The following COL20A1 variants were observed in gnomAD, a reference collection of about 807,000 sequenced individuals.
COL20A1 encodes collagen type XX alpha 1 chain.
Under a neutral mutation model 152.9 loss-of-function variants are expected in COL20A1, and 164 were observed. The observed-to-expected ratio is 1.07, with a 90% CI of 0.94 to 1.22. The LOEUF is 1.22. COL20A1 is among the 50% of genes most tolerant of loss of function. The pLI, the probability that COL20A1 is intolerant of heterozygous loss-of-function variation, is 0.00. For missense variants in COL20A1, 1,873 were observed against 1,744.8 expected (o/e 1.07, Z -1.31); for synonymous variants, 864 against 756.0 (o/e 1.14, Z -2.34).
chr20:63,302,979 C>T (rs773914072), intron 3 of COL20A1, among the ~76,000 whole-genome samples: 3 of 152,132 alleles, frequency 2.0e-5, no homozygotes, highest in Non-Finnish European at 4.4e-5. Context: ...CCACAGCTGG[C>T]GGTACATAAT....
At position 63,329,639 on chromosome 20, in the gene COL20A1, C is replaced by T. The variant is rs372971673; in HGVS notation, c.3836C>T (p.Thr1279Ile). 110 of 1,600,924 alleles carry T rather than the reference C, an allele frequency of 6.9e-5. No individual in the cohort carries two copies. Among genetic ancestry groups the T allele is most frequent in the Non-Finnish European group, 3.6e-5 (42 of 1,176,612 alleles). ...MGSPGQQGAS[T>I]QGLWE ...AGCCCTGGGCAGCAGGGGGCTAGCA[C>T]CCAGGGCCTCTGGGAGTGACAGGTG... The change falls in exon 35 of 36, where the codon ACC (threonine) becomes ATC (isoleucine). Residue 1279 changes from threonine (T) to isoleucine (I), a missense_variant. Thr to Ile is a moderately conservative substitution (Grantham distance 89, BLOSUM62 -1). Coordinates refer to ENST00000358894, the MANE Select transcript of COL20A1 (RefSeq NM_020882.4).
chr20:63,328,370 G>A lies in COL20A1; in HGVS notation c.3653G>A (p.Arg1218Lys). Residue 1218 changes from arginine to lysine, a missense_variant, in exon 34 of 36, where the codon AGG becomes AAG. Coordinates refer to ENST00000358894, the MANE Select transcript of COL20A1 (RefSeq NM_020882.4). ...SKFDSFHENT[R>K]PPMPILEQKL... ...TTCGACTCCTTCCACGAGAACACCA[G>A]GCCCCCCATGCCCATCTTGGAGCAG... is the stretch of plus-strand genomic sequence containing the variant. The A allele has an allele frequency of 1.9e-6, 3 of 1,612,702 alleles. No individual in the cohort carries two copies. The highest frequency in any genetic ancestry group is 2.5e-6 in the Non-Finnish European group (3 of 1,179,610).
rs1183558096 is a variant in COL20A1 at position 63,313,743 on chromosome 20, C to T, written c.2210C>T (p.Ser737Phe). 6.3e-7 allele frequency: 1 copy of T among 1,583,654 alleles called. No homozygotes were observed. Among genetic ancestry groups the T allele is most frequent in the Non-Finnish European group, 8.6e-7 (1 of 1,167,322 alleles). ...SDPVSLRYTP[S>F]TVSRSPPSNL... The stretch of plus-strand genomic sequence containing the variant: ...CCACACAACCCATGCTCTCGGCCAG[C>T]CACGGTGAGCAGGAGCCCACCCTCC... Residue 737 changes from serine (S) to phenylalanine (F), a missense_variant and splice_region_variant, in exon 18 of 36, where the codon TCC becomes TTC. By Grantham distance (155) the Ser-to-Phe change is radical. Transcript: ENST00000358894. This position sits in a 1 kb window ranked among gnomAD's most constrained non-coding sequence, Gnocchi z 5.9.
chr20:63,295,026 G>A (rs1366611749), intron 1 of COL20A1, 72 bp from the exon 2 acceptor site: 1 of 969,698 alleles, frequency 1.0e-6, no homozygotes, highest in Non-Finnish European at 1.6e-6. Flanking sequence ...ATTTGGAGAA[G>A]CTCTGGCGTT....
At position 63,298,042 on chromosome 20, in the gene COL20A1, G is replaced by GC. The variant is rs1568762564; in HGVS notation, c.193+27dup. The GC allele has an allele frequency of 4.5e-6, 7 of 1,549,228 alleles. 1 individual carries two copies. The East Asian group carries it at 1.3e-4, about 30-fold the overall frequency. Reference sequence around the variant, plus strand: ...GCAGGTGAGGACCTGCCCCTCCCAGGCCCCCTTCCCCATTAGCACGTGCCG... The same window carrying GC: ...GCAGGTGAGGACCTGCCCCTCCCAGGCCCCCCTTCCCCATTAGCACGTGCCG... On this transcript the variant is annotated intron_variant, in intron 3 of 35. Transcript: ENST00000358894.
chr20:63,308,719 C>G lies in COL20A1; in HGVS notation c.940+13C>G. ...GTCTTCGCTGTGGGTGAGCACCATG[C>G]GGCTCCCCCGGCCCTGGAGTCTCAC... On this transcript the variant is annotated intron_variant, in intron 8 of 35. Transcript: ENST00000358894. The G allele has an allele frequency of 6.4e-7, 1 of 1,571,004 alleles. No homozygotes were observed. The highest frequency in any genetic ancestry group is 8.7e-7 in the Non-Finnish European group (1 of 1,156,060).
chr20:63,309,496 A>G lies in COL20A1; in HGVS notation c.1104A>G (p.Pro368=). Residue 368 remains proline, a splice_region_variant and synonymous_variant, in exon 9 of 36, where the codon CCA becomes CCG. Coordinates refer to ENST00000358894, the MANE Select transcript of COL20A1 (RefSeq NM_020882.4). ...AGGGTGGGAGCCCGCGGCAGGGCCC[A>G]GGTGAGGGGCAGGGTCACCCGCACA... ...RLQGGSPRQG[P]AAAPALDTLP... 6.6e-7 allele frequency: 1 copy of G among 1,513,726 alleles called. No individual in the cohort carries two copies. 93.8% of individuals were successfully genotyped at this position (1,513,726 alleles called of 1,614,324 possible).
chr20:63,295,506 T>A (rs886520755), intron 2 of COL20A1, among the ~76,000 whole-genome samples: 9 of 152,080 alleles, frequency 5.9e-5, no homozygotes, highest in African/African-American at 2.2e-4. Context: ...GGAGCCGCCT[T>A]CCCTTCCCTC....
chr20:63,319,447 T>C lies in COL20A1; in HGVS notation c.2807-40T>C. ...CTGCTCAAGGTATAGGCCCGGCTGG[T>C]TGCAGCCCGTTCTCACCTGCTCCAC... On this transcript the variant is annotated intron_variant, in intron 22 of 35. Transcript: ENST00000358894. The surrounding 1 kb of genome is among the most constrained non-coding windows in gnomAD (Gnocchi z 4.4). 6.8e-7 allele frequency: 1 copy of C among 1,460,282 alleles called. No homozygotes were observed. Among genetic ancestry groups the C allele is most frequent in the Non-Finnish European group, 9.4e-7 (1 of 1,066,696 alleles). The allele number at this position is 1,460,282 out of a possible 1,614,324, so 90.5% of individuals were successfully genotyped here. A position where few individuals can be genotyped will look rare whatever the true frequency, so the allele number is the denominator to read the frequency against.
intron 30 of COL20A1, 22 bp from the exon 31 acceptor site, chr20:63,326,730 C>T (rs762631660): frequency 3.5e-6 from 5 of 1,411,706 alleles, no homozygotes; most frequent in Non-Finnish European, 4.6e-6. Flanking sequence ...CAAGCCAAAC[C>T]CTGACTTCTG....
At chr20:63,326,866 G>C in intron 31 of COL20A1, 43 bp downstream of exon 31, 7 of 1,399,696 alleles carry the variant, frequency 5.0e-6, no homozygotes, top group Non-Finnish European at 6.6e-6. Flanking sequence ...AAAGGTGGGG[G>C]AGCGAAGGGT....
chr20:63,315,606 G>T (rs2068074298), intron 20 of COL20A1, among the ~76,000 whole-genome samples, 167 bp downstream of exon 20: 1 of 152,248 alleles, frequency 6.6e-6, no homozygotes, highest in Non-Finnish European at 1.5e-5. Context: ...CTGGGCGGTG[G>T]TTATTCCTGC....
In COL20A1 at chr20:63,309,502, G is replaced by C; in HGVS notation, c.1105+5G>C. 6.6e-7 allele frequency: 1 copy of C among 1,504,290 alleles called. No individual in the cohort carries two copies. The highest frequency in any genetic ancestry group is 8.9e-7 in the Non-Finnish European group (1 of 1,122,118). 93.2% of individuals were successfully genotyped at this position (1,504,290 alleles called of 1,614,324 possible). On this transcript the variant is annotated splice_donor_5th_base_variant and intron_variant, in intron 9 of 35. Transcript: ENST00000358894. The stretch of plus-strand genomic sequence containing the variant: ...GGAGCCCGCGGCAGGGCCCAGGTGA[G>C]GGGCAGGGTCACCCGCACAGGCTGC...
intron 5 of COL20A1, among the ~76,000 whole-genome samples, chr20:63,307,080 A>C (rs1422383682): frequency 6.6e-6 from 1 of 152,132 alleles, no homozygotes; most frequent in Non-Finnish European, 1.5e-5. Flanking sequence ...TGCTCCTGCA[A>C]AACCCCGGGG....
intron 27 of COL20A1, 133 bp from the exon 28 acceptor site, chr20:63,325,308 C>T (rs1258046231): frequency 2.7e-6 from 2 of 745,252 alleles, no homozygotes; most frequent in East Asian, 2.6e-5. Context: ...ACCAGAAGGT[C>T]CTGGAGGCCA....
intron 3 of COL20A1, among the ~76,000 whole-genome samples, chr20:63,299,744 G>T (rs894985418): frequency 6.6e-6 from 1 of 151,828 alleles, no homozygotes; most frequent in Non-Finnish European, 1.5e-5. Flanking sequence ...CAGTGAGGTG[G>T]TTATTTTCTC....
intron 33 of COL20A1, 42 bp from the exon 34 acceptor site, chr20:63,328,289 C>T (rs368545656): frequency 8.3e-5 from 132 of 1,585,692 alleles, no homozygotes; most frequent in South Asian, 1.1e-4. Flanking sequence ...CTCGCATCCC[C>T]GGGTCCCCAC....
Position 63,327,931 on chromosome 20 carries a change from TTC to T in COL20A1, c.3529-17_3529-16del, listed in dbSNP as rs1351706508. The T allele has an allele frequency of 1.3e-6, 2 of 1,585,338 alleles. No individual in the cohort carries two copies. Among genetic ancestry groups the T allele is most frequent in the Middle Eastern group, 1.7e-4 (1 of 6,028 alleles). Reference sequence around the variant, plus strand: ...CTCAGGCCATCTCTGCTGACTTCTTTTCTCTTCCCCTCCTCATCAGGGACTGC... The same window carrying T: ...CTCAGGCCATCTCTGCTGACTTCTTTTCTTCCCCTCCTCATCAGGGACTGC... On this transcript the variant is annotated intron_variant, in intron 31 of 35. Coordinates refer to ENST00000358894, the MANE Select transcript of COL20A1 (RefSeq NM_020882.4).
intron 35 of COL20A1, 45 bp downstream of exon 35, chr20:63,329,706 C>CCCT: frequency 7.1e-7 from 1 of 1,403,710 alleles, no homozygotes; most frequent in Non-Finnish European, 9.6e-7. Flanking sequence ...CTGAGGGCAT[C>CCCT]CAGGAAGGAG....
Sources: allele counts gnomAD v4.1 joint callset (sites outside exome capture counted in the v4.1 genomes callset), GRCh38; gene constraint gnomAD v4.1.1; non-coding constraint Gnocchi (gnomAD v3.1); transcripts MANE v1.5; gene names NCBI Gene and HGNC (gene_info 2026-07-23, HGNC 2026-07-21).